Variants in CNTLN observed in about 807,000 individuals in gnomAD.
CNTLN encodes the protein centlein, centrosomal protein.
Under a neutral mutation model 180.0 loss-of-function variants are expected in CNTLN, and 212 were observed. The ratio of observed to expected loss-of-function variants is 1.18; its 90% CI spans 1.05 to 1.32. The LOEUF (loss-of-function observed/expected upper bound fraction) is 1.32. Ranked by LOEUF, CNTLN falls within the 40% of genes most tolerant of loss-of-function variation. The pLI is 0.00. For missense variants in CNTLN, 2,095 were observed against 1,610.9 expected (o/e 1.30, Z -5.14); for synonymous variants, 722 against 563.1 (o/e 1.28, Z -3.99).
intron 18 of CNTLN, among the ~76,000 whole-genome samples, chr9:17,449,775 A>C (rs962820982): frequency 6.6e-6 from 1 of 152,232 alleles, no homozygotes; most frequent in Admixed American, 6.5e-5. Flanking sequence ...TATTCAGATT[A>C]TTTTGAAAGA....
intron 18 of CNTLN, among the ~76,000 whole-genome samples, chr9:17,450,479 T>C (rs1830718641): frequency 6.6e-6 from 1 of 152,224 alleles, no homozygotes; most frequent in Admixed American, 6.5e-5. Flanking sequence ...TTAACTTTTC[T>C]GCTTATTATT....
chr9:17,414,727 T>C (rs1389590087), intron 16 of CNTLN, among the ~76,000 whole-genome samples: 3 of 152,222 alleles, frequency 2.0e-5, no homozygotes, highest in African/African-American at 7.2e-5. Flanking sequence ...TTGGGATCTT[T>C]TAAAAAGTTC....
chr9:17,414,514 C>G (rs770860959), intron 16 of CNTLN, among the ~76,000 whole-genome samples: 1 of 151,738 alleles, frequency 6.6e-6, no homozygotes, highest in Non-Finnish European at 1.5e-5. Flanking sequence ...CTAATTAAAT[C>G]TTAATAAAGC....
intron 25 of CNTLN, among the ~76,000 whole-genome samples, chr9:17,499,629 G>C (rs1185270244): frequency 6.6e-6 from 1 of 152,070 alleles, no homozygotes; most frequent in Non-Finnish European, 1.5e-5. Flanking sequence ...TTTTTAAATT[G>C]ACAGTTACTT....
At chr9:17,335,321 A>G (rs1820935855) in intron 10 of CNTLN, among the ~76,000 whole-genome samples, 1 of 152,138 alleles carries the variant, frequency 6.6e-6, no homozygotes, top group African/African-American at 2.4e-5. Flanking sequence ...GATCGAGACC[A>G]TCATGGTTAA....
intron 25 of CNTLN, among the ~76,000 whole-genome samples, chr9:17,498,445 T>TA (rs983518988): frequency 6.6e-6 from 1 of 152,134 alleles, no homozygotes; most frequent in African/African-American, 2.4e-5. Context: ...TCAGAGAAGC[T>TA]AAAAATCTGT....
chr9:17,273,808 C>T lies in CNTLN; in HGVS notation c.925C>T (p.Gln309Ter), dbSNP rs1344956414. Reference protein sequence around the residue: ...SQSKYNALSLQLSNKQTELIQ... With the variant: ...SQSKYNALSL The stretch of plus-strand genomic sequence containing the variant: ...GAGTAAATACAATGCTCTATCATTA[C>T]AGTTGAGTAATAAACAGACTGAACT... The change falls in exon 6 of 26, where the codon CAG becomes TAG. Residue 309 changes from glutamine to a stop codon, truncating the protein, a stop_gained. Transcript: ENST00000380647. LOFTEE classifies it high-confidence loss of function. The T allele has an allele frequency of 1.6e-5, 25 of 1,574,146 alleles. No individual in the cohort carries two copies. Among genetic ancestry groups the T allele is most frequent in the Non-Finnish European group, 2.0e-5 (23 of 1,162,484 alleles).
At chr9:17,461,989 A>G (rs932150222) in intron 19 of CNTLN, among the ~76,000 whole-genome samples, 3 of 151,844 alleles carry the variant, frequency 2.0e-5, no homozygotes, top group African/African-American at 7.2e-5. Flanking sequence ...TTGCTTTGAA[A>G]AACTAATAAT....
At chr9:17,271,969 C>A (rs1827977684) in intron 5 of CNTLN, among the ~76,000 whole-genome samples, 1 of 151,896 alleles carries the variant, frequency 6.6e-6, no homozygotes, top group Non-Finnish European at 1.5e-5. Context: ...ATTTATAGTC[C>A]TTTTGAATTG....
chr9:17,452,881 A>G (rs1482690405), intron 18 of CNTLN, among the ~76,000 whole-genome samples: 1 of 152,228 alleles, frequency 6.6e-6, no homozygotes, highest in African/African-American at 2.4e-5. Context: ...AGCTGAGAGC[A>G]GCAAACAAAA....
At chr9:17,367,365 C>G (rs1286313927) in intron 13 of CNTLN, among the ~76,000 whole-genome samples, 1 of 151,774 alleles carries the variant, frequency 6.6e-6, no homozygotes, top group Non-Finnish European at 1.5e-5. Context: ...TCTGGCAAGC[C>G]TCATTACCAC....
intron 2 of CNTLN, among the ~76,000 whole-genome samples, chr9:17,223,176 T>A (rs1325727094): frequency 6.6e-6 from 1 of 152,074 alleles, no homozygotes; most frequent in East Asian, 1.9e-4. Context: ...AGTTTTTTCA[T>A]GCATTCAGAA....
chr9:17,369,023 G>A (rs1000872795), intron 13 of CNTLN, among the ~76,000 whole-genome samples: 4 of 152,170 alleles, frequency 2.6e-5, no homozygotes, highest in Admixed American at 6.5e-5. Context: ...CAAGTGATAG[G>A]TTACGCTTTG....
downstream of CNTLN, among the ~76,000 whole-genome samples, chr9:17,506,990 T>C (rs1196611842): frequency 1.3e-5 from 2 of 152,176 alleles, no homozygotes; most frequent in African/African-American, 4.8e-5. Flanking sequence ...ACATTCAAAA[T>C]CCTGTCTTTA....
intron 14 of CNTLN, among the ~76,000 whole-genome samples, chr9:17,389,379 G>T (rs1337716006): frequency 6.6e-6 from 1 of 151,912 alleles, no homozygotes; most frequent in Non-Finnish European, 1.5e-5. Context: ...TATTTGCCAG[G>T]TTTTGTATAA....
Position 17,294,135 on chromosome 9 carries a change from C to T in CNTLN, c.984-4055C>T, listed in dbSNP as rs185489630. Reference sequence around the variant, plus strand: ...CTTCAGGAGTGAAGCTGCAGACCTTCGAGTGTTACAGCTCATAAAGGCAGT... The same window carrying T: ...CTTCAGGAGTGAAGCTGCAGACCTTTGAGTGTTACAGCTCATAAAGGCAGT... On this transcript the variant is annotated intron_variant, in intron 6 of 25. Transcript: ENST00000380647. Among the ~76,000 whole-genome samples the T allele has an allele frequency of 1.3e-3, 202 of 152,160 alleles. 1 individual carries two copies. Among genetic ancestry groups the T allele is most frequent in the East Asian group, 0.011 (59 of 5,166 alleles).
intron 12 of CNTLN, among the ~76,000 whole-genome samples, chr9:17,351,131 A>G (rs1332903882): frequency 6.6e-6 from 1 of 152,122 alleles, no homozygotes; most frequent in African/African-American, 2.4e-5. Context: ...CTCTGGCACC[A>G]TCTCTTCTGG....
chr9:17,322,368 A>C (rs1389294920), intron 8 of CNTLN, among the ~76,000 whole-genome samples: 1 of 152,134 alleles, frequency 6.6e-6, no homozygotes, highest in Non-Finnish European at 1.5e-5. Flanking sequence ...TATTCACAAA[A>C]TTTGAACTTG....
chr9:17,255,937 A>G (rs1051716910), intron 5 of CNTLN, among the ~76,000 whole-genome samples: 1 of 151,952 alleles, frequency 6.6e-6, no homozygotes, highest in Non-Finnish European at 1.5e-5. Context: ...GTGTTAGAAT[A>G]CAATTTTGTA....
Sources: allele counts gnomAD v4.1 joint callset (sites outside exome capture counted in the v4.1 genomes callset), GRCh38; gene constraint gnomAD v4.1.1; transcripts MANE v1.5; gene names NCBI Gene and HGNC (gene_info 2026-07-23, HGNC 2026-07-21).